INTS4: variants seen among roughly 807,000 people sequenced by gnomAD.
INTS4 encodes integrator complex subunit 4.
In INTS4, 70 loss-of-function variants were observed where a neutral mutation model predicts 119.5. The ratio of observed to expected loss-of-function variants is 0.59; its 90% CI spans 0.48 to 0.71. INTS4 has a LOEUF of 0.71. INTS4 is among the 30% of genes least tolerant of loss of function. INTS4 has a pLI of 0.00. For missense variants in INTS4, 867 were observed against 1,173.2 expected, an observed-to-expected ratio of 0.74 and a Z score of 3.81; for synonymous variants, 316 against 419.6, an observed-to-expected ratio of 0.75 and a Z score of 3.02.
At position 77,897,381 on chromosome 11, in the gene INTS4, A is replaced by G. The variant is rs1329029622; in HGVS notation, c.2229-3032T>C. 2.6e-5 allele frequency among the ~76,000 whole-genome samples: 4 copies of G among 151,598 alleles called. No individual in the cohort carries two copies. In the East Asian group the frequency reaches 7.7e-4, roughly 29 times the overall value. On this transcript the variant is annotated intron_variant, in intron 18 of 22. Coordinates refer to ENST00000534064, the MANE Select transcript of INTS4 (RefSeq NM_033547.4). ...ATAAAAAAATTAAAAATAAAAATAA[A>G]GAAGGATATACAAGGATTATGTACT...
intron 17 of INTS4, among the ~76,000 whole-genome samples, chr11:77,902,069 G>T (rs1201992486): frequency 2.0e-5 from 3 of 152,174 alleles, no homozygotes; most frequent in Non-Finnish European, 4.4e-5. Flanking sequence ...ATCTTGCTCG[G>T]TTCTATCCAA....
At chr11:77,953,928 C>G (rs1301818354) in intron 8 of INTS4, among the ~76,000 whole-genome samples, 1 of 151,738 alleles carries the variant, frequency 6.6e-6, no homozygotes, top group Non-Finnish European at 1.5e-5. Flanking sequence ...ATTCTCCTGT[C>G]TCAGCTTCCC....
At chr11:77,960,264 A>T (rs760133189) in intron 6 of INTS4, 77 bp downstream of exon 6, 5 of 1,042,972 alleles carry the variant, frequency 4.8e-6, no homozygotes, top group Non-Finnish European at 7.4e-6. Context: ...ACGTTTTCAA[A>T]TTCTGAGAAC....
intron 22 of INTS4, among the ~76,000 whole-genome samples, chr11:77,879,390 G>A (rs1951705487): frequency 6.6e-6 from 1 of 152,222 alleles, no homozygotes; most frequent in African/African-American, 2.4e-5. Context: ...CTTCCAGGAA[G>A]ATAATTGCTT....
intron 17 of INTS4, among the ~76,000 whole-genome samples, chr11:77,902,906 C>A (rs537168326): frequency 1.3e-5 from 2 of 152,266 alleles, no homozygotes; most frequent in East Asian, 3.9e-4. Context: ...ATATAAACAA[C>A]CTTAACTGAG....
At chr11:77,911,983 T>C (rs1953097193) in intron 15 of INTS4, among the ~76,000 whole-genome samples, 1 of 152,312 alleles carries the variant, frequency 6.6e-6, no homozygotes, top group East Asian at 1.9e-4. Context: ...CCATATCATA[T>C]TGCATCTCAT....
chr11:77,920,698 A>G (rs1285099781), intron 14 of INTS4, among the ~76,000 whole-genome samples: 2 of 151,626 alleles, frequency 1.3e-5, no homozygotes, highest in African/African-American at 2.4e-5. Flanking sequence ...TAAAAATACA[A>G]AAAATTAGCC....
chr11:77,985,022 C>T (rs1336563838), intron 2 of INTS4, among the ~76,000 whole-genome samples: 2 of 151,938 alleles, frequency 1.3e-5, no homozygotes, highest in Non-Finnish European at 2.9e-5. Flanking sequence ...CCTTAGCACT[C>T]CTTCTACTAT....
At chr11:77,946,013 C>A (rs749218154) in intron 8 of INTS4, among the ~76,000 whole-genome samples, 19 of 152,232 alleles carry the variant, frequency 1.2e-4, no homozygotes, top group African/African-American at 3.9e-4. Context: ...CAGGCCACCG[C>A]GGCAAAGGCC....
chr11:77,949,519 CAAAA>C (rs1177164712), intron 8 of INTS4, among the ~76,000 whole-genome samples: 1 of 76,410 alleles, frequency 1.3e-5, no homozygotes. Context: ...AACAAATTTA[CAAAA>C]AAAAAAAAAA....
intron 4 of INTS4, among the ~76,000 whole-genome samples, chr11:77,975,281 T>C (rs1365395547): frequency 6.6e-6 from 1 of 152,160 alleles, no homozygotes; most frequent in Non-Finnish European, 1.5e-5. Context: ...TTTTCTATTT[T>C]ATTCATCTCA....
In INTS4 at chr11:77,948,554, C is replaced by T. The variant is rs181199917; in HGVS notation, c.919-7303G>A. ...TCCCGGTACTGGGGAGGTTGGGGCA[C>T]GAGAACCACTTGAACCCAGGAGGTG... On this transcript the variant is annotated intron_variant, in intron 8 of 22. Coordinates refer to ENST00000534064, the MANE Select transcript of INTS4 (RefSeq NM_033547.4). Among the ~76,000 whole-genome samples, 833 of 150,348 alleles carry T rather than the reference C, an allele frequency of 5.5e-3. 3 individuals are homozygous for T. Among genetic ancestry groups the T allele is most frequent in the Non-Finnish European group, 8.4e-3 (570 of 67,724 alleles).
Position 77,978,978 on chromosome 11 carries a change from T to C in INTS4, c.471+18A>G, listed in dbSNP as rs145646077. ...GTTACCAGTTTAGGATGGATCTGAATAGATTTTATACTCTTACCTTGCAGG... is the reference window on the plus strand; with the variant it reads ...GTTACCAGTTTAGGATGGATCTGAACAGATTTTATACTCTTACCTTGCAGG... On this transcript the variant is annotated intron_variant, in intron 4 of 22. Transcript: ENST00000534064. 8 of 1,513,272 alleles carry C rather than the reference T, an allele frequency of 5.3e-6. No homozygotes were observed. In the Admixed American group the frequency reaches 6.7e-5, roughly 13 times the overall value. The allele number at this position is 1,513,272 out of a possible 1,614,324, so 93.7% of individuals were successfully genotyped here.
At chr11:77,954,964 T>A (rs1468328294) in intron 8 of INTS4, among the ~76,000 whole-genome samples, 2 of 152,218 alleles carry the variant, frequency 1.3e-5, no homozygotes, top group Admixed American at 6.5e-5. Flanking sequence ...CCTAGTAGGG[T>A]TAATAGAATT....
chr11:77,900,288 A>C (rs1952727037), intron 18 of INTS4, among the ~76,000 whole-genome samples: 1 of 152,006 alleles, frequency 6.6e-6, no homozygotes. Flanking sequence ...TTTAGTAGAG[A>C]CAGGGTTTCA....
chr11:77,966,714 T>C (rs1252451302), intron 4 of INTS4, among the ~76,000 whole-genome samples: 1 of 152,254 alleles, frequency 6.6e-6, no homozygotes, highest in East Asian at 1.9e-4. Context: ...ATAGGGAATG[T>C]AATGCCTCTG....
At chr11:77,881,958 C>G (rs1035277697) in intron 22 of INTS4, among the ~76,000 whole-genome samples, 3 of 151,094 alleles carry the variant, frequency 2.0e-5, no homozygotes, top group African/African-American at 7.3e-5. Flanking sequence ...GTTACCCAGG[C>G]TGGAGTGTAG....
At chr11:77,907,850 G>A in intron 15 of INTS4, 40 bp from the exon 16 acceptor site, 1 of 1,251,344 alleles carries the variant, frequency 8.0e-7, no homozygotes, top group African/African-American at 1.5e-5. Context: ...ACAGGATAAG[G>A]ATAATGCCAC....
intron 16 of INTS4, among the ~76,000 whole-genome samples, chr11:77,905,628 G>A (rs1294457231): frequency 6.6e-6 from 1 of 152,064 alleles, no homozygotes. Context: ...TATCCTTTTC[G>A]TACATCTGCA....
Sources: gnomAD v4.1 joint callset for allele counts (sites outside exome capture counted in the v4.1 genomes callset) on GRCh38, gnomAD v4.1.1 for gene constraint, MANE v1.5 for transcripts, NCBI Gene and HGNC (gene_info 2026-07-23, HGNC 2026-07-21) for gene names.